Variants in NUMB observed in about 807,000 individuals in gnomAD.
The protein encoded by NUMB is NUMB endocytic adaptor protein, also known as protein numb homolog.
NUMB carries 29 observed loss-of-function variants against 59.7 expected under a neutral mutation model. The observed-to-expected ratio is 0.49, with a 90% CI of 0.36 to 0.66. NUMB has a LOEUF of 0.66. NUMB is among the 30% of genes least tolerant of loss of function. The probability of loss-of-function intolerance (pLI) is 0.00; values close to 1 mark genes in which losing one functional copy is unlikely to be tolerated. For synonymous variants in NUMB, 288 were observed against 288.2 expected, an observed-to-expected ratio of 1.00 and a Z score of 0.01; for missense variants, 723 against 822.0, an observed-to-expected ratio of 0.88 and a Z score of 1.47.
intron 4 of NUMB, among the ~76,000 whole-genome samples, chr14:73,349,834 G>A (rs981107214): frequency 2.0e-4 from 30 of 151,338 alleles, no homozygotes; most frequent in African/African-American, 6.3e-4. Flanking sequence ...AGCCAAGATC[G>A]CGCCACTGCA....
chr14:73,339,879 C>T (rs931235658), intron 4 of NUMB, among the ~76,000 whole-genome samples: 2 of 152,026 alleles, frequency 1.3e-5, no homozygotes, highest in Non-Finnish European at 2.9e-5. Flanking sequence ...AGTGGAAAAC[C>T]TTCACAGGGC....
At chr14:73,347,938 T>C (rs1049370264) in intron 4 of NUMB, among the ~76,000 whole-genome samples, 2 of 152,360 alleles carry the variant, frequency 1.3e-5, no homozygotes, top group Admixed American at 6.5e-5. Context: ...AATACATTTG[T>C]AACCCCCATA....
chr14:73,352,433 TACACACACACACACACACACAC>T (rs10610977), intron 4 of NUMB, among the ~76,000 whole-genome samples: 5 of 52,676 alleles, frequency 9.5e-5, no homozygotes, highest in African/African-American at 3.4e-4. Flanking sequence ...AATATATATA[TACACACACACACACACACACAC>T]ACATACACAC....
chr14:73,387,770 A>AC (rs1491567464), intron 2 of NUMB, among the ~76,000 whole-genome samples: 78 of 151,412 alleles, frequency 5.2e-4, no homozygotes, highest in African/African-American at 1.8e-3. Context: ...CAAAAAAAAA[A>AC]CCAAAAAGGC....
chr14:73,432,697 A>G (rs1462811198), intron 1 of NUMB, among the ~76,000 whole-genome samples: 13 of 152,166 alleles, frequency 8.5e-5, no homozygotes, highest in Admixed American at 8.5e-4. Context: ...CATGACAGGA[A>G]TAATGACACC....
chr14:73,343,249 A>G (rs987241989), intron 4 of NUMB, among the ~76,000 whole-genome samples: 5 of 152,210 alleles, frequency 3.3e-5, no homozygotes, highest in African/African-American at 1.2e-4. Flanking sequence ...GATCACTACT[A>G]CAACACTGAG....
At chr14:73,386,451 C>G (rs1331782702) in intron 2 of NUMB, among the ~76,000 whole-genome samples, 1 of 152,104 alleles carries the variant, frequency 6.6e-6, no homozygotes, top group Non-Finnish European at 1.5e-5. Flanking sequence ...TGCTACAATT[C>G]CAGATTTTTT....
chr14:73,416,792 A>G (rs1451469919), intron 1 of NUMB, among the ~76,000 whole-genome samples: 1 of 152,118 alleles, frequency 6.6e-6, no homozygotes, highest in Non-Finnish European at 1.5e-5. Context: ...CAGTTAATAC[A>G]GACAGCAGGC....
chr14:73,372,450 T>C lies in NUMB; in HGVS notation c.-100-5469A>G, dbSNP rs1894757889. On this transcript the variant is annotated intron_variant, in intron 2 of 12. Coordinates refer to ENST00000555238, the MANE Select transcript of NUMB (RefSeq NM_001005743.2). ...ATATATGTATATCTATATGAAAATA[T>C]ACATATATGTGTATTTATATTTATA... 2.7e-5 allele frequency among the ~76,000 whole-genome samples: 4 copies of C among 147,274 alleles called. 1 individual carries two copies. In the South Asian group the frequency reaches 8.4e-4, roughly 31 times the overall value.
At position 73,314,883 on chromosome 14, in the gene NUMB, T is replaced by A. The variant is rs182867368; in HGVS notation, c.234+1507A>T. 2.0e-5 allele frequency among the ~76,000 whole-genome samples: 3 copies of A among 152,224 alleles called. No homozygotes were observed. In the East Asian group the frequency reaches 5.8e-4, roughly 29 times the overall value. ...ACACCACAAAAAGTTTCCTAAAGTG[T>A]CCTTAACAATTATCAATTTCCTTAA... On this transcript the variant is annotated intron_variant, in intron 6 of 12. Coordinates refer to ENST00000555238, the MANE Select transcript of NUMB (RefSeq NM_001005743.2).
intron 4 of NUMB, among the ~76,000 whole-genome samples, chr14:73,329,016 G>A (rs1386559715): frequency 6.6e-6 from 1 of 152,056 alleles, no homozygotes; most frequent in Non-Finnish European, 1.5e-5. Context: ...TTACAGGCAT[G>A]TGCCACCACA....
intron 1 of NUMB, among the ~76,000 whole-genome samples, chr14:73,456,311 T>C (rs927653138): frequency 6.6e-6 from 1 of 152,162 alleles, no homozygotes; most frequent in African/African-American, 2.4e-5. Context: ...GGTCTCACCA[T>C]GTTGGTCAGG....
chr14:73,364,155 C>A (rs924145333), intron 3 of NUMB, among the ~76,000 whole-genome samples: 7 of 152,152 alleles, frequency 4.6e-5, no homozygotes, highest in African/African-American at 1.7e-4. Context: ...CAAAAAATAT[C>A]TTGGCCTACT....
chr14:73,390,983 A>C (rs1304793340), intron 2 of NUMB, among the ~76,000 whole-genome samples: 1 of 151,628 alleles, frequency 6.6e-6, no homozygotes, highest in Non-Finnish European at 1.5e-5. Flanking sequence ...GATACTTACA[A>C]CAGGTTTTGA....
At chr14:73,352,458 ATACAC>A in intron 4 of NUMB, among the ~76,000 whole-genome samples, 1 of 12,162 alleles carries the variant, frequency 8.2e-5, no homozygotes, top group African/African-American at 3.3e-4. Context: ...ACACACACAC[ATACAC>A]ACACACACAC....
At chr14:73,339,862 G>T (rs1216226460) in intron 4 of NUMB, among the ~76,000 whole-genome samples, 1 of 152,164 alleles carries the variant, frequency 6.6e-6, no homozygotes, top group African/African-American at 2.4e-5. Context: ...TGGAGGGCAG[G>T]CAGAAGAGTG....
chr14:73,371,826 G>A (rs1894688183), intron 2 of NUMB, among the ~76,000 whole-genome samples: 1 of 152,152 alleles, frequency 6.6e-6, no homozygotes, highest in Non-Finnish European at 1.5e-5. Flanking sequence ...GGACCTGCCA[G>A]TACCTTGATC....
Position 73,275,836 on chromosome 14 carries a change from T to A in NUMB, c.*742A>T, listed in dbSNP as rs1888114092. Reference sequence around the variant, plus strand: ...CCTGTCTGCAGCTTCCAGCCTTTCCTCTTTTTATTTCAGTAGGCATCAATG... The same window carrying A: ...CCTGTCTGCAGCTTCCAGCCTTTCCACTTTTTATTTCAGTAGGCATCAATG... On this transcript the variant is annotated 3_prime_UTR_variant, in exon 13 of 13. Coordinates refer to ENST00000555238, the MANE Select transcript of NUMB (RefSeq NM_001005743.2). 6.6e-6 allele frequency: 1 copy of A among 152,414 alleles called. No homozygotes were observed. The highest frequency in any genetic ancestry group is 1.5e-5 in the Non-Finnish European group (1 of 68,042). 9.4% of individuals were successfully genotyped at this position (152,414 alleles called of 1,614,324 possible). A position where few individuals can be genotyped will look rare whatever the true frequency, so the allele number is the denominator to read the frequency against.
At chr14:73,382,324 T>G (rs547389631) in intron 2 of NUMB, among the ~76,000 whole-genome samples, 111 of 152,186 alleles carry the variant, frequency 7.3e-4, no homozygotes, top group African/African-American at 2.5e-3. Flanking sequence ...TTTTTGTATT[T>G]TTAGTAGAGA....
Sources: allele counts gnomAD v4.1 joint callset (sites outside exome capture counted in the v4.1 genomes callset), GRCh38; gene constraint gnomAD v4.1.1; transcripts MANE v1.5; gene names NCBI Gene and HGNC (gene_info 2026-07-23, HGNC 2026-07-21).